Variants in SOX5 observed in about 807,000 individuals in gnomAD.
SOX5 encodes transcription factor SOX-5.
A neutral mutation model predicts 92.0 loss-of-function variants in SOX5; 9 were observed. The observed-to-expected ratio is 0.10, with a 90% CI of 0.06 to 0.17. The LOEUF (loss-of-function observed/expected upper bound fraction) is 0.17, where lower values mean the gene tolerates loss of function less well. SOX5 is among the 10% of genes least tolerant of loss of function. SOX5 has a pLI of 1.00. For synonymous variants in SOX5, 344 were observed against 336.3 expected, an observed-to-expected ratio of 1.02 and a Z score of -0.25; for missense variants, 642 against 944.5, an observed-to-expected ratio of 0.68 and a Z score of 4.20.
intron 2 of SOX5, among the ~76,000 whole-genome samples, chr12:23,880,636 T>C (rs2096978085): frequency 6.6e-6 from 1 of 152,156 alleles, no homozygotes; most frequent in Non-Finnish European, 1.5e-5. Context: ...TAGCACCTGG[T>C]AAACTTTGGG....
intron 11 of SOX5, among the ~76,000 whole-genome samples, chr12:23,561,191 T>C (rs1169852211): frequency 2.6e-5 from 4 of 152,214 alleles, no homozygotes; most frequent in Middle Eastern, 3.4e-3. Flanking sequence ...GTTATAACTG[T>C]ACAAAAGAGA....
At chr12:24,060,215 C>G (rs1417236994) in intron 4 of SOX5, among the ~76,000 whole-genome samples, 1 of 152,138 alleles carries the variant, frequency 6.6e-6, no homozygotes. Flanking sequence ...TGTCATGTAA[C>G]CTTCACAATA....
intron 3 of SOX5, among the ~76,000 whole-genome samples, chr12:24,261,703 C>T (rs1317186218): frequency 6.6e-6 from 1 of 152,208 alleles, no homozygotes; most frequent in Non-Finnish European, 1.5e-5. Context: ...CTGAGCCAAA[C>T]TGAACTACAC....
At chr12:24,519,849 T>C (rs939601697) in intron 1 of SOX5, among the ~76,000 whole-genome samples, 9 of 152,066 alleles carry the variant, frequency 5.9e-5, no homozygotes, top group African/African-American at 2.2e-4. Context: ...TCCAAAATGA[T>C]CAATCCACAG....
intron 3 of SOX5, among the ~76,000 whole-genome samples, chr12:23,809,042 G>A (rs2095830363): frequency 6.6e-6 from 1 of 152,030 alleles, no homozygotes; most frequent in South Asian, 2.1e-4. Flanking sequence ...TGCTTTATTA[G>A]AGAACAGACA....
chr12:23,829,117 T>TAAAAAA (rs34363532), intron 3 of SOX5, among the ~76,000 whole-genome samples: 14 of 147,482 alleles, frequency 9.5e-5, no homozygotes, highest in Admixed American at 2.0e-4. Flanking sequence ...AACTCCTATT[T>TAAAAAA]AAAAAAAAAA....
rs1287531031 is a variant in SOX5 at position 23,759,010 on chromosome 12, AACACACACACACACACACAGACACACAC to A, written c.482-3314_482-3287del. On this transcript the variant is annotated intron_variant, in intron 3 of 14. Coordinates refer to ENST00000451604, the MANE Select transcript of SOX5 (RefSeq NM_006940.6). Reference sequence around the variant, plus strand: ...GTGTTATTCTGTTATGGCAACACAAAACACACACACACACACACAGACACACACACACACACACACACACACACACACA... The same window carrying A: ...GTGTTATTCTGTTATGGCAACACAAAACACACACACACACACACACACACA... Among the ~76,000 whole-genome samples the A allele has an allele frequency of 1.2e-4, 13 of 108,360 alleles. No homozygotes were observed. In the East Asian group the frequency reaches 1.9e-3, roughly 16 times the overall value. 71.1% of individuals were successfully genotyped at this position (108,360 alleles called of 152,430 possible). A position where few individuals can be genotyped will look rare whatever the true frequency, so the allele number is the denominator to read the frequency against.
intron 4 of SOX5, among the ~76,000 whole-genome samples, chr12:23,988,876 T>C (rs1950295607): frequency 6.6e-6 from 1 of 152,158 alleles, no homozygotes; most frequent in Non-Finnish European, 1.5e-5. Flanking sequence ...GAGTCTCTTT[T>C]CCACCACTCC....
At chr12:23,721,588 G>A (rs552573360) in intron 6 of SOX5, among the ~76,000 whole-genome samples, 3 of 152,164 alleles carry the variant, frequency 2.0e-5, no homozygotes, top group Admixed American at 6.5e-5. Flanking sequence ...ACCTGTAACA[G>A]TTCGCAGAAT....
At chr12:23,768,155 T>A (rs1460849335) in intron 3 of SOX5, among the ~76,000 whole-genome samples, 2 of 152,074 alleles carry the variant, frequency 1.3e-5, no homozygotes, top group Non-Finnish European at 2.9e-5. Flanking sequence ...ACATAAGCAG[T>A]TAAAAAATTA....
At chr12:24,492,987 T>C (rs1304671449) in intron 1 of SOX5, among the ~76,000 whole-genome samples, 1 of 152,206 alleles carries the variant, frequency 6.6e-6, no homozygotes, top group African/African-American at 2.4e-5. Context: ...CCCCTGATAA[T>C]ATAACCTGGT....
intron 4 of SOX5, among the ~76,000 whole-genome samples, chr12:24,065,328 G>T (rs1230284391): frequency 6.6e-6 from 1 of 152,138 alleles, no homozygotes; most frequent in African/African-American, 2.4e-5. Context: ...CAGAGTAAAG[G>T]TTGTGGATAC....
Position 23,962,999 on chromosome 12 carries a change from T to C in SOX5, c.-1-66975A>G, listed in dbSNP as rs182741973. Among the ~76,000 whole-genome samples the C allele has an allele frequency of 3.8e-4, 58 of 152,308 alleles. No individual in the cohort carries two copies. The East Asian group carries it at 9.1e-3, about 24-fold the overall frequency. ...ACTGTTAAATTAAATGAATAGAATC[T>C]AATGATTTCCCCTTATCATTCTGAT... is the stretch of plus-strand genomic sequence containing the variant. On this transcript the variant is annotated intron_variant, in intron 4 of 4. Coordinates refer to the SOX5 transcript ENST00000446891.
chr12:23,898,023 A>G (rs979034306), intron 1 of SOX5, among the ~76,000 whole-genome samples: 1 of 152,202 alleles, frequency 6.6e-6, no homozygotes, highest in Non-Finnish European at 1.5e-5. Flanking sequence ...TGGCAATACC[A>G]TATCACACAC....
chr12:23,756,437 C>G (rs1485397167), intron 3 of SOX5, among the ~76,000 whole-genome samples: 1 of 151,804 alleles, frequency 6.6e-6, no homozygotes, highest in Non-Finnish European at 1.5e-5. Flanking sequence ...GTATTTGTTT[C>G]TACATATAAC....
chr12:23,669,858 T>C (rs1467754540), intron 6 of SOX5, among the ~76,000 whole-genome samples: 1 of 152,076 alleles, frequency 6.6e-6, no homozygotes, highest in Non-Finnish European at 1.5e-5. Flanking sequence ...TGATGTTGCA[T>C]TGCAGTTATT....
At chr12:23,563,112 G>C in intron 11 of SOX5, 146 bp downstream of exon 11, 1 of 622,658 alleles carries the variant, frequency 1.6e-6, no homozygotes, top group Admixed American at 3.2e-5. Context: ...TTAGGATGGC[G>C]ATGAGGCCTT....
chr12:24,091,003 T>C (rs775375036), intron 4 of SOX5, among the ~76,000 whole-genome samples: 4 of 152,224 alleles, frequency 2.6e-5, no homozygotes, highest in Admixed American at 1.3e-4. Context: ...TCTGCTGCTA[T>C]ATTTTCTTAA....
chr12:23,683,589 T>C (rs945403464), intron 6 of SOX5, among the ~76,000 whole-genome samples: 1 of 151,944 alleles, frequency 6.6e-6, no homozygotes, highest in African/African-American at 2.4e-5. Context: ...GAAGACCTGA[T>C]CCTCATCACA....
Sources: gnomAD v4.1 joint callset for allele counts (sites outside exome capture counted in the v4.1 genomes callset) on GRCh38, gnomAD v4.1.1 for gene constraint, MANE v1.5 for transcripts, NCBI Gene and HGNC (gene_info 2026-07-23, HGNC 2026-07-21) for gene names.